ADGB: variants seen among roughly 807,000 people sequenced by gnomAD.
The protein encoded by ADGB is calpain-7-like protein.
Under a neutral mutation model 210.5 loss-of-function variants are expected in ADGB, and 172 were observed. The ratio of observed to expected loss-of-function variants is 0.82; its 90% CI spans 0.72 to 0.93. The LOEUF (loss-of-function observed/expected upper bound fraction) is 0.93. ADGB is among the 40% of genes least tolerant of loss of function. The pLI, the probability that ADGB is intolerant of heterozygous loss-of-function variation, is 0.00. For missense variants in ADGB, 2,025 were observed against 1,964.8 expected, an observed-to-expected ratio of 1.03 and a Z score of -0.58; for synonymous variants, 658 against 662.7, an observed-to-expected ratio of 0.99 and a Z score of 0.11.
chr6:146,706,497 A>T (rs1172312633), intron 13 of ADGB, among the ~76,000 whole-genome samples: 1 of 152,038 alleles, frequency 6.6e-6, no homozygotes, highest in African/African-American at 2.4e-5. Context: ...TGACCTCGTC[A>T]TCCACCTGCC....
At chr6:146,781,055 CG>C (rs1777791077) in intron 29 of ADGB, among the ~76,000 whole-genome samples, 1 of 151,190 alleles carries the variant, frequency 6.6e-6, no homozygotes, top group Non-Finnish European at 1.5e-5. Flanking sequence ...AGGCCGGGCG[CG>C]GTAGCTCACG....
intron 24 of ADGB, 140 bp from the exon 25 acceptor site, chr6:146,740,978 T>C (rs1327219113): frequency 6.6e-6 from 4 of 603,254 alleles, no homozygotes; most frequent in Non-Finnish European, 1.0e-5. Context: ...TTAATAGTAA[T>C]TTTTAAAAGA....
chr6:146,782,629 A>C (rs1777818422), intron 30 of ADGB, among the ~76,000 whole-genome samples: 1 of 152,026 alleles, frequency 6.6e-6, no homozygotes, highest in African/African-American at 2.4e-5. Context: ...TGAGGCGAAA[A>C]CTCAACCTGG....
rs201587404 is a variant in ADGB at position 146,683,604 on chromosome 6, AT to A, written c.1217-2123del. Among the ~76,000 whole-genome samples the A allele has an allele frequency of 3.1e-3, 473 of 152,096 alleles. 5 individuals are homozygous for A. Among genetic ancestry groups the A allele is most frequent in the African/African-American group, 0.01 (431 of 41,522 alleles). On this transcript the variant is annotated intron_variant, in intron 9 of 35. Coordinates refer to ENST00000397944, the MANE Select transcript of ADGB (RefSeq NM_024694.4). ...GTGATTATCCTAAAATTTGGAGCAA[AT>A]TTTTTTGTCATCAACATCATTTCTA...
intron 16 of ADGB, among the ~76,000 whole-genome samples, chr6:146,721,201 A>G (rs1393646914): frequency 6.6e-6 from 1 of 152,090 alleles, no homozygotes; most frequent in African/African-American, 2.4e-5. Flanking sequence ...GCTGCTGCAG[A>G]CCCAGTTTCC....
chr6:146,615,291 T>G (rs1583560023), intron 1 of ADGB, among the ~76,000 whole-genome samples: 1 of 152,168 alleles, frequency 6.6e-6, no homozygotes, highest in East Asian at 1.9e-4. Context: ...AAGCCATTCA[T>G]GAGGGATCCA....
chr6:146,603,483 C>T (rs566172738), intron 1 of ADGB, among the ~76,000 whole-genome samples: 1 of 152,216 alleles, frequency 6.6e-6, no homozygotes, highest in African/African-American at 2.4e-5. Context: ...GAGATAGGGA[C>T]ACAATTTGAT....
At chr6:146,692,022 C>T (rs1418393514) in intron 11 of ADGB, among the ~76,000 whole-genome samples, 1 of 151,886 alleles carries the variant, frequency 6.6e-6, no homozygotes, top group Non-Finnish European at 1.5e-5. Flanking sequence ...AAAACAAAAT[C>T]CTTTATTTTA....
intron 28 of ADGB, among the ~76,000 whole-genome samples, chr6:146,768,384 T>C (rs1193237101): frequency 1.3e-5 from 2 of 152,116 alleles, no homozygotes; most frequent in East Asian, 1.9e-4. Flanking sequence ...AATGCATACA[T>C]AGGTAAATGG....
intron 18 of ADGB, 168 bp downstream of exon 18, chr6:146,724,495 T>G (rs1235673273): frequency 5.0e-6 from 3 of 604,842 alleles, no homozygotes; most frequent in Non-Finnish European, 8.0e-6. Flanking sequence ...TCCAAAAAAC[T>G]ACATTGAGAA....
intron 35 of ADGB, chr6:146,807,441 C>A: frequency 6.4e-7 from 1 of 1,551,530 alleles, no homozygotes. Context: ...TTTCGACATC[C>A]GGGAAGAGTA....
chr6:146,716,330 G>T (rs1220475313), intron 14 of ADGB, among the ~76,000 whole-genome samples: 2 of 128,498 alleles, frequency 1.6e-5, no homozygotes, highest in Non-Finnish European at 3.0e-5. Context: ...GGTGGCTCAC[G>T]CCTGTAATCC....
intron 8 of ADGB, among the ~76,000 whole-genome samples, chr6:146,673,979 C>A (rs147500077): frequency 1.3e-5 from 2 of 152,074 alleles, no homozygotes; most frequent in East Asian, 3.9e-4. Context: ...TACAAAATGA[C>A]GAGCTGCTGA....
chr6:146,643,957 A>G (rs1423306977), intron 2 of ADGB, among the ~76,000 whole-genome samples: 1 of 151,934 alleles, frequency 6.6e-6, no homozygotes, highest in Non-Finnish European at 1.5e-5. Flanking sequence ...TCTATGTAAC[A>G]TTACTGAATG....
intron 13 of ADGB, among the ~76,000 whole-genome samples, chr6:146,704,151 A>G (rs1393440642): frequency 6.6e-6 from 1 of 151,702 alleles, no homozygotes; most frequent in Non-Finnish European, 1.5e-5. Context: ...TCATTTTTCA[A>G]TTGGGTTGTT....
chr6:146,612,676 G>A lies in ADGB; in HGVS notation c.74+13562G>A, dbSNP rs138214048. Among the ~76,000 whole-genome samples, 628 of 152,078 alleles carry A rather than the reference G, an allele frequency of 4.1e-3. 1 individual carries two copies. The highest frequency in any genetic ancestry group is 0.014 in the African/African-American group (570 of 41,458). ...TTTTCTTATCCAAATTACTTTATACGTAGTGCTGTCAGTAAGCTTTGTCAT... is the reference window on the plus strand; with the variant it reads ...TTTTCTTATCCAAATTACTTTATACATAGTGCTGTCAGTAAGCTTTGTCAT... On this transcript the variant is annotated intron_variant, in intron 1 of 35. Transcript: ENST00000397944.
At position 146,666,816 on chromosome 6, in the gene ADGB, C is replaced by T. The variant is rs1347183895; in HGVS notation, c.753C>T (p.Asp251=). The T allele has an allele frequency of 7.8e-6, 12 of 1,541,290 alleles. No individual in the cohort carries two copies. The highest frequency in any genetic ancestry group is 1.1e-5 in the Non-Finnish European group (12 of 1,140,250). ...SKAIIKLANI[D]IHVADRRELG... ...TAACATTATGCATGTTCTTTTTTAGCATCCATGTAGCAGACAGGAGAGAGC... is the reference window on the plus strand; with the variant it reads ...TAACATTATGCATGTTCTTTTTTAGTATCCATGTAGCAGACAGGAGAGAGC... The change falls in exon 7 of 36, where the codon GAC becomes GAT. Residue 251 remains aspartate (D), a splice_region_variant and synonymous_variant. Transcript: ENST00000397944.
At chr6:146,765,291 TC>T (rs1777555323) in intron 28 of ADGB, among the ~76,000 whole-genome samples, 2 of 152,042 alleles carry the variant, frequency 1.3e-5, no homozygotes, top group Admixed American at 1.3e-4. Context: ...AACCCATGCC[TC>T]GTGGAAACTG....
intron 35 of ADGB, among the ~76,000 whole-genome samples, chr6:146,811,282 T>A (rs1778298686): frequency 6.6e-6 from 1 of 152,180 alleles, no homozygotes; most frequent in African/African-American, 2.4e-5. Flanking sequence ...ATACAATGTG[T>A]CTTGCTTTTT....
Sources: allele counts gnomAD v4.1 joint callset (sites outside exome capture counted in the v4.1 genomes callset), GRCh38; gene constraint gnomAD v4.1.1; transcripts MANE v1.5; gene names NCBI Gene and HGNC (gene_info 2026-07-23, HGNC 2026-07-21).